The following HDX variants were observed in gnomAD, a reference collection of about 807,000 sequenced individuals.
HDX encodes highly divergent homeobox.
A neutral mutation model predicts 45.2 loss-of-function variants in HDX; 19 were observed. The ratio of observed to expected loss-of-function variants is 0.42; its 90% CI spans 0.29 to 0.62. The LOEUF is 0.62. HDX is among the 20% of genes least tolerant of loss of function. The pLI is 0.20. For missense variants in HDX, 532 were observed against 493.9 expected (o/e 1.08, Z -0.73); for synonymous variants, 188 against 172.8 (o/e 1.09, Z -0.69).
Position 84,468,503 on chromosome X carries a change from A to G in HDX, c.1220T>C (p.Leu407Ser). ...FSPHFASSNQ[L>S]RLSQNQNNYQ... ...ATTGTTTTGGTTTTGTGATAATCTC[A>G]ATTGGTTTGATGATGCAAAATGAGG... Residue 407 changes from leucine (L) to serine (S), a missense_variant, in exon 4 of 11, where the codon TTG (leucine) becomes TCG (serine). Leu to Ser is a moderately radical substitution (Grantham distance 145). This residue lies in a region of HDX where 376 missense variants were observed against 343.7 expected (regional missense o/e 1.09). Transcript: ENST00000373177. The G allele has an allele frequency of 8.6e-7, 1 of 1,163,433 alleles. No homozygotes were observed. Among genetic ancestry groups the G allele is most frequent in the Non-Finnish European group, 1.2e-6 (1 of 860,514 alleles).
At chrX:84,375,735 G>A (rs1315003708) in intron 5 of HDX, among the ~76,000 whole-genome samples, 1 of 107,331 alleles carries the variant, frequency 9.3e-6, no homozygotes, top group Non-Finnish European at 1.9e-5. Flanking sequence ...CAAACTCTGG[G>A]GACTGTTGTG....
chrX:84,488,612 C>G (rs1218374464), intron 1 of HDX, among the ~76,000 whole-genome samples: 1 of 110,779 alleles, frequency 9.0e-6, no homozygotes, highest in Non-Finnish European at 1.9e-5. Context: ...CCCCAGTTGC[C>G]ACTATACTTC....
At chrX:84,349,456 T>A (rs2037285309) in intron 6 of HDX, among the ~76,000 whole-genome samples, 1 of 85,647 alleles carries the variant, frequency 1.2e-5, no homozygotes, top group African/African-American at 4.5e-5. Flanking sequence ...TGTGTATGGT[T>A]AGGGTTAGGC....
chrX:84,413,479 G>C (rs1395649614), intron 5 of HDX, among the ~76,000 whole-genome samples: 2 of 111,424 alleles, frequency 1.8e-5, no homozygotes, highest in Non-Finnish European at 3.8e-5. Context: ...CCCAGCCCCT[G>C]GCTGTTCTCT....
intron 5 of HDX, among the ~76,000 whole-genome samples, chrX:84,431,819 G>T (rs1317789307): frequency 9.0e-6 from 1 of 111,123 alleles, no homozygotes; most frequent in Non-Finnish European, 1.9e-5. Flanking sequence ...TCCTTTTGCT[G>T]TGCAGAAGCT....
chrX:84,373,922 A>C (rs1183549250), intron 5 of HDX, among the ~76,000 whole-genome samples: 1 of 107,755 alleles, frequency 9.3e-6, no homozygotes, highest in African/African-American at 3.4e-5. Flanking sequence ...AATTAGGCAG[A>C]AGAAGGAAAT....
At chrX:84,437,593 T>C (rs2039666950) in intron 5 of HDX, among the ~76,000 whole-genome samples, 1 of 110,853 alleles carries the variant, frequency 9.0e-6, no homozygotes, top group Non-Finnish European at 1.9e-5. Context: ...CTTCCAGTAA[T>C]CCCTACTGGT....
intron 1 of HDX, among the ~76,000 whole-genome samples, chrX:84,494,073 A>G (rs898007090): frequency 8.9e-6 from 1 of 111,756 alleles, no homozygotes; most frequent in African/African-American, 3.2e-5. Flanking sequence ...AAACAGCTGA[A>G]TGACAAAAAC....
intron 4 of HDX, among the ~76,000 whole-genome samples, chrX:84,442,639 C>T (rs1269410066): frequency 9.1e-6 from 1 of 110,358 alleles, no homozygotes; most frequent in Non-Finnish European, 1.9e-5. Flanking sequence ...TTTATCCCAC[C>T]AATGTGTGTT....
chrX:84,355,637 C>T (rs983305102), intron 6 of HDX, among the ~76,000 whole-genome samples: 29 of 109,197 alleles, frequency 2.7e-4, no homozygotes, highest in Non-Finnish European at 3.8e-4. Context: ...CATGTTCTCA[C>T]TCATAGGTGG....
chrX:84,486,145 CT>C (rs753532596), intron 2 of HDX, among the ~76,000 whole-genome samples: 1 of 110,626 alleles, frequency 9.0e-6, no homozygotes, highest in Non-Finnish European at 1.9e-5. Context: ...TATCTGAATA[CT>C]TTTTGGTATT....
At chrX:84,433,134 T>G (rs1319989207) in intron 5 of HDX, among the ~76,000 whole-genome samples, 1 of 111,935 alleles carries the variant, frequency 8.9e-6, no homozygotes. Flanking sequence ...GACCTTTAAC[T>G]CTGTTGTTTG....
Position 84,361,592 on chromosome X carries a change from G to A in HDX, c.1326C>T (p.Phe442=). ...TAAGGGTGGCTAAGTCTCGGTCACT[G>A]AACTGAGTGCGGTCCTGTAGCTGAA... is the stretch of plus-strand genomic sequence containing the variant. ...RKRALQDRTQ[F]SDRDLATLKK... Residue 442 remains phenylalanine, a synonymous_variant, in exon 6 of 11, where the codon TTC becomes TTT. Transcript: ENST00000373177. The A allele has an allele frequency of 1.6e-5, 19 of 1,197,207 alleles. No homozygotes were observed. The highest frequency in any genetic ancestry group is 2.1e-5 in the Non-Finnish European group (19 of 886,880).
At chrX:84,387,915 ATG>A (rs891615496) in intron 5 of HDX, among the ~76,000 whole-genome samples, 4 of 111,747 alleles carry the variant, frequency 3.6e-5, no homozygotes, top group African/African-American at 1.3e-4. Flanking sequence ...CTGTGTACTT[ATG>A]TGTGTTTTGT....
At chrX:84,323,281 C>G (rs1198513633) in intron 10 of HDX, among the ~76,000 whole-genome samples, 1 of 110,992 alleles carries the variant, frequency 9.0e-6, no homozygotes, top group Non-Finnish European at 1.9e-5. Context: ...TTCTAAGTGG[C>G]TAGATTGCAG....
intron 5 of HDX, among the ~76,000 whole-genome samples, chrX:84,399,282 G>T (rs2038641896): frequency 1.8e-5 from 2 of 108,931 alleles, no homozygotes; most frequent in Admixed American, 2.0e-4. Context: ...TCCAGGAGCT[G>T]TTTTTTGAAA....
chrX:84,441,455 G>A (rs2039759922), intron 4 of HDX, among the ~76,000 whole-genome samples: 1 of 111,618 alleles, frequency 9.0e-6, no homozygotes. Flanking sequence ...CTCAATAGAA[G>A]TCTATTCACT....
intron 5 of HDX, among the ~76,000 whole-genome samples, chrX:84,390,029 C>T (rs4302993): frequency 0.34 from 37,348 of 109,566 alleles, 5,662 homozygotes; most frequent in Middle Eastern, 0.56. Context: ...TTCCAGCTTC[C>T]TCCCTCTTCA....
chrX:84,429,452 T>C (rs1447951709), intron 5 of HDX, among the ~76,000 whole-genome samples: 1 of 111,104 alleles, frequency 9.0e-6, no homozygotes, highest in Non-Finnish European at 1.9e-5. Flanking sequence ...CAAATATGTT[T>C]TTAAAATTCA....
Sources: gnomAD v4.1 joint callset for allele counts (sites outside exome capture counted in the v4.1 genomes callset) on GRCh38, gnomAD v4.1.1 for gene constraint, gnomAD v4.1.1 regional missense constraint, MANE v1.5 for transcripts, NCBI Gene and HGNC (gene_info 2026-07-23, HGNC 2026-07-21) for gene names.